BIRC2: variants seen among roughly 807,000 people sequenced by gnomAD.
BIRC2 encodes the protein baculoviral IAP repeat-containing protein 2.
Under a neutral mutation model 60.9 loss-of-function variants are expected in BIRC2, and 18 were observed. The ratio of observed to expected loss-of-function variants is 0.30; its 90% confidence interval spans 0.20 to 0.44. The LOEUF is 0.44. Among genes scored for constraint, BIRC2 ranks in the 20% least tolerant of loss-of-function variants. The probability of loss-of-function intolerance (pLI) is 1.00; values close to 1 mark genes in which losing one functional copy is unlikely to be tolerated. For missense variants in BIRC2, 701 were observed against 728.5 expected (o/e 0.96, Z 0.43); for synonymous variants, 282 against 247.7 (o/e 1.14, Z -1.30).
In BIRC2 at chr11:102,377,627, A is replaced by G; in HGVS notation, c.1498A>G (p.Thr500Ala). The G allele has an allele frequency of 2.5e-6, 4 of 1,611,562 alleles. No homozygotes were observed. The highest frequency in any genetic ancestry group is 2.5e-6 in the Non-Finnish European group (3 of 1,179,412). ...GGAACATGATATTATTAAACAAAAAACACAGATACCTTTACAAGCGAGAGA... is the reference window on the plus strand; with the variant it reads ...GGAACATGATATTATTAAACAAAAAGCACAGATACCTTTACAAGCGAGAGA... ...KQEHDIIKQK[T>A]QIPLQARELI... The change falls in exon 7 of 9, where the codon ACA (threonine) becomes GCA (alanine). Residue 500 changes from threonine (T) to alanine (A), a missense_variant. Around this residue, in one of 4 missense-constraint regions of BIRC2, gnomAD observed 235 missense variants for 208.9 expected, o/e 1.12. Transcript: ENST00000227758.
intron 3 of BIRC2, among the ~76,000 whole-genome samples, chr11:102,351,887 A>T (rs1951366799): frequency 6.6e-6 from 1 of 152,130 alleles, no homozygotes. Context: ...ATAATTTTTT[A>T]AAATAGTGAT....
intron 3 of BIRC2, among the ~76,000 whole-genome samples, chr11:102,362,307 A>G (rs1220019705): frequency 6.6e-6 from 1 of 152,170 alleles, no homozygotes; most frequent in African/African-American, 2.4e-5. Flanking sequence ...TGAAGAAACA[A>G]AAGGAATAGA....
At chr11:102,354,610 A>G (rs1951399919) in intron 3 of BIRC2, among the ~76,000 whole-genome samples, 1 of 152,236 alleles carries the variant, frequency 6.6e-6, no homozygotes, top group Admixed American at 6.5e-5. Context: ...TCAGATATGT[A>G]CACAGAAGTG....
intron 6 of BIRC2, among the ~76,000 whole-genome samples, chr11:102,373,814 G>A (rs1291284473): frequency 2.6e-5 from 4 of 151,560 alleles, no homozygotes; most frequent in East Asian, 1.9e-4. Flanking sequence ...CCAATCAGAC[G>A]TAGATTTGGT....
At chr11:102,362,378 A>G (rs1951494849) in intron 3 of BIRC2, among the ~76,000 whole-genome samples, 1 of 152,228 alleles carries the variant, frequency 6.6e-6, no homozygotes, top group Admixed American at 6.5e-5. Context: ...TCAGTTTAAA[A>G]ACAAATATTT....
Position 102,364,139 on chromosome 11 carries a change from TTATATATATATATA to T in BIRC2, c.1123+446_1123+459del, listed in dbSNP as rs371707721. 5.1e-3 allele frequency among the ~76,000 whole-genome samples: 313 copies of T among 61,406 alleles called. 4 individuals carry two copies. The highest frequency in any genetic ancestry group is 0.04 in the South Asian group (62 of 1,532). 40.3% of individuals were successfully genotyped at this position (61,406 alleles called of 152,430 possible). ...ATACTGGGAAGTCAGCTAATAAATA[TTATATATATATATA>T]TATATATATATATATATATATACAC... On this transcript the variant is annotated intron_variant, in intron 5 of 8. Transcript: ENST00000227758.
chr11:102,358,060 T>C (rs905892708), intron 3 of BIRC2, among the ~76,000 whole-genome samples: 3 of 152,224 alleles, frequency 2.0e-5, no homozygotes, highest in Non-Finnish European at 2.9e-5. Context: ...CATTCTGTTA[T>C]TGATTTCTGG....
At chr11:102,374,329 T>G (rs539102612) in intron 6 of BIRC2, among the ~76,000 whole-genome samples, 1 of 150,408 alleles carries the variant, frequency 6.6e-6, no homozygotes, top group Non-Finnish European at 1.5e-5. Flanking sequence ...ATGATGGTGA[T>G]GTACAGATGG....
Position 102,378,004 on chromosome 11 carries a change from G to A in BIRC2, c.1678G>A (p.Glu560Lys). 1 of 1,609,104 alleles carries A rather than the reference G, an allele frequency of 6.2e-7. No individual in the cohort carries two copies. Among genetic ancestry groups the A allele is most frequent in the Non-Finnish European group, 8.5e-7 (1 of 1,178,306 alleles). The change falls in exon 9 of 9, where the codon GAA becomes AAA. Residue 560 changes from glutamate to lysine, a missense_variant. Physicochemically the swap from Glu to Lys is moderately conservative, Grantham distance 56 (BLOSUM62 1). Coordinates refer to ENST00000227758, the MANE Select transcript of BIRC2 (RefSeq NM_001166.5). ...TEDVSGLSLE[E>K]QLRRLQEERT... ...TTTGTTATTAGGTCTGTCACTGGAA[G>A]AACAATTGAGGAGGTTGCAAGAAGA...
intron 6 of BIRC2, among the ~76,000 whole-genome samples, chr11:102,374,542 C>T (rs768939276): frequency 7.3e-5 from 11 of 151,052 alleles, no homozygotes; most frequent in South Asian, 2.1e-4. Context: ...TCTCCAGCTG[C>T]GTGCTGGGAG....
At chr11:102,353,607 T>C (rs1951386983) in intron 3 of BIRC2, among the ~76,000 whole-genome samples, 1 of 151,816 alleles carries the variant, frequency 6.6e-6, no homozygotes, top group African/African-American at 2.4e-5. Context: ...CATGAGCCAC[T>C]GAGCCCAGCC....
At chr11:102,373,559 C>T (rs377208024) in intron 6 of BIRC2, among the ~76,000 whole-genome samples, 15 of 151,958 alleles carry the variant, frequency 9.9e-5, no homozygotes, top group African/African-American at 2.9e-4. Flanking sequence ...ATGGGCTTCC[C>T]TTTGAGGGTA....
At position 102,362,917 on chromosome 11, in the gene BIRC2, GA is replaced by G; in HGVS notation, c.1020del (p.Gly341AlafsTer50). The G allele has an allele frequency of 6.2e-7, 1 of 1,612,946 alleles. No individual in the cohort carries two copies. Among genetic ancestry groups the G allele is most frequent in the Non-Finnish European group, 8.5e-7 (1 of 1,179,336 alleles). On this transcript the variant is annotated frameshift_variant, in exon 4 of 9. Coordinates refer to ENST00000227758, the MANE Select transcript of BIRC2 (RefSeq NM_001166.5). LOFTEE classifies it high-confidence loss of function. Reference protein sequence around the residue: ...FPRCEFLIRMKGQEFVDEIQG... With the variant: ...FPRCEFLIRMXGQEFVDEIQG... ...TTAGGTGTGAGTTCTTGATACGAAT[GA>G]AAGGCCAAGAGTTTGTTGATGAGAT...
intron 3 of BIRC2, among the ~76,000 whole-genome samples, chr11:102,352,108 T>G (rs35942805): frequency 7.6e-5 from 11 of 145,690 alleles, no homozygotes; most frequent in African/African-American, 1.3e-4. Context: ...TTCTCTTTTT[T>G]TTTTTTTTTG....
In BIRC2 at chr11:102,377,654, C is replaced by T. The variant is rs778207082; in HGVS notation, c.1525C>T (p.Leu509=). 3 of 1,610,270 alleles carry T rather than the reference C, an allele frequency of 1.9e-6. No individual in the cohort carries two copies. In the South Asian group the frequency reaches 3.3e-5, roughly 18 times the overall value. Residue 509 remains leucine, a synonymous_variant, in exon 7 of 9, where the codon CTG becomes TTG. Transcript: ENST00000227758. ...KTQIPLQARE[L]IDTILVKGNA... ...ACAGATACCTTTACAAGCGAGAGAA[C>T]TGATTGATACCATTTTGGTTAAAGG...
At chr11:102,369,564 T>C (rs1173876706) in intron 6 of BIRC2, among the ~76,000 whole-genome samples, 1 of 147,092 alleles carries the variant, frequency 6.8e-6, no homozygotes, top group East Asian at 2.0e-4. Context: ...CGGTCTATCA[T>C]TGTTGGACAT....
At chr11:102,368,573 C>T (rs913065218) in intron 6 of BIRC2, 25 bp downstream of exon 6, 6 of 1,607,062 alleles carry the variant, frequency 3.7e-6, no homozygotes, top group Non-Finnish European at 5.1e-6. Context: ...TAGTCACCTG[C>T]ATTGTTTCTC....
At position 102,350,314 on chromosome 11, in the gene BIRC2, T is replaced by G. The variant is rs753226433; in HGVS notation, c.460T>G (p.Ser154Ala). ...EHSSLFSGSY[S>A]SLSPNPLNSR... Reference sequence around the variant, plus strand: ...TAGTAGCTTGTTCAGTGGTTCTTACTCCAGCCTTTCTCCAAACCCTCTTAA... The same window carrying G: ...TAGTAGCTTGTTCAGTGGTTCTTACGCCAGCCTTTCTCCAAACCCTCTTAA... The change falls in exon 2 of 9, where the codon TCC becomes GCC. Residue 154 changes from serine to alanine, a missense_variant. Transcript: ENST00000227758. The G allele has an allele frequency of 1.7e-4, 278 of 1,614,112 alleles. No individual in the cohort carries two copies. The highest frequency in any genetic ancestry group is 2.3e-4 in the Non-Finnish European group (273 of 1,180,048).
chr11:102,362,464 G>C (rs1420754090), intron 3 of BIRC2, among the ~76,000 whole-genome samples: 1 of 152,094 alleles, frequency 6.6e-6, no homozygotes, highest in Non-Finnish European at 1.5e-5. Context: ...GTGGATTCTG[G>C]CTCAAATGTA....
Sources: gnomAD v4.1 joint callset for allele counts (sites outside exome capture counted in the v4.1 genomes callset) on GRCh38, gnomAD v4.1.1 for gene constraint, gnomAD v4.1.1 regional missense constraint, MANE v1.5 for transcripts, NCBI Gene and HGNC (gene_info 2026-07-23, HGNC 2026-07-21) for gene names.